Variants in KCNIP4 observed in about 807,000 individuals in gnomAD.
The protein encoded by KCNIP4 is potassium voltage-gated channel interacting protein 4.
In KCNIP4, 12 loss-of-function variants were observed where a neutral mutation model predicts 34.0. That is an observed-to-expected ratio of 0.35 (90% CI 0.23 to 0.57). The LOEUF is 0.57. Ranked by LOEUF, KCNIP4 falls within the 20% of genes least tolerant of loss-of-function variation. The pLI, the probability that KCNIP4 is intolerant of heterozygous loss-of-function variation, is 0.83. For synonymous variants in KCNIP4, 124 were observed against 102.2 expected, an observed-to-expected ratio of 1.21 and a Z score of -1.29; for missense variants, 238 against 311.7, an observed-to-expected ratio of 0.76 and a Z score of 1.78.
chr4:21,855,643 C>A (rs1724701756), intron 1 of KCNIP4: 1 of 152,096 alleles, frequency 6.6e-6, no homozygotes, highest in African/African-American at 2.4e-5. Flanking sequence ...AGTTCTTATC[C>A]ATATACAATT....
intron 1 of KCNIP4, chr4:21,697,208 T>A: frequency 8.3e-7 from 1 of 1,208,548 alleles, no homozygotes; most frequent in African/African-American, 1.6e-5. Context: ...AACATAAATC[T>A]CAGCAAATAC....
intron 1 of KCNIP4, among the ~76,000 whole-genome samples, chr4:21,654,926 A>T (rs1747805094): frequency 6.6e-6 from 1 of 152,040 alleles, no homozygotes; most frequent in African/African-American, 2.4e-5. Flanking sequence ...TCTGTCTCAA[A>T]AAAAAAAGGA....
intron 1 of KCNIP4, among the ~76,000 whole-genome samples, chr4:21,016,206 G>A (rs1739527060): frequency 6.6e-6 from 1 of 151,152 alleles, no homozygotes; most frequent in South Asian, 2.1e-4. Context: ...CTGGATGAGG[G>A]CTTAGGTCGC....
At chr4:21,664,854 TTAAA>T (rs1230390093) in intron 1 of KCNIP4, among the ~76,000 whole-genome samples, 1 of 152,218 alleles carries the variant, frequency 6.6e-6, no homozygotes, top group Non-Finnish European at 1.5e-5. Context: ...TGTTTTTGCA[TTAAA>T]TGTTTTCCAT....
intron 1 of KCNIP4, among the ~76,000 whole-genome samples, chr4:21,181,359 C>A (rs1754826370): frequency 6.6e-6 from 1 of 152,082 alleles, no homozygotes; most frequent in Non-Finnish European, 1.5e-5. Context: ...ATTAAAGCTG[C>A]AGCTTCTCTT....
At chr4:21,344,390 T>C (rs1019005047) in intron 1 of KCNIP4, among the ~76,000 whole-genome samples, 3 of 152,136 alleles carry the variant, frequency 2.0e-5, no homozygotes, top group South Asian at 2.1e-4. Flanking sequence ...TCTGTGGATG[T>C]AGCATAAGAT....
intron 1 of KCNIP4, among the ~76,000 whole-genome samples, chr4:21,433,337 C>T (rs1201204597): frequency 6.6e-6 from 1 of 152,184 alleles, no homozygotes; most frequent in African/African-American, 2.4e-5. Flanking sequence ...TGCAGTGGCT[C>T]ATGCCTGTAA....
At chr4:21,683,676 A>T (rs1234814522) in intron 1 of KCNIP4, among the ~76,000 whole-genome samples, 1 of 151,734 alleles carries the variant, frequency 6.6e-6, no homozygotes, top group Non-Finnish European at 1.5e-5. Context: ...GTGAAGCCAG[A>T]TTTTAAGCAC....
intron 1 of KCNIP4, among the ~76,000 whole-genome samples, chr4:21,575,543 T>C (rs1347130051): frequency 6.6e-6 from 1 of 152,130 alleles, no homozygotes; most frequent in African/African-American, 2.4e-5. Context: ...CTCTTCCTCC[T>C]CTTCCTTTTC....
At chr4:21,302,188 T>C (rs1266453830) in intron 1 of KCNIP4, among the ~76,000 whole-genome samples, 1 of 152,176 alleles carries the variant, frequency 6.6e-6, no homozygotes. Flanking sequence ...AAAGACTTCA[T>C]AGAGGTTAGC....
intron 1 of KCNIP4, among the ~76,000 whole-genome samples, chr4:21,887,204 G>A (rs1726824103): frequency 6.6e-6 from 1 of 152,104 alleles, no homozygotes; most frequent in African/African-American, 2.4e-5. Flanking sequence ...CCACAGATGA[G>A]GTGGCTTAAT....
chr4:21,788,064 C>A (rs573671071), intron 1 of KCNIP4, among the ~76,000 whole-genome samples: 13 of 152,186 alleles, frequency 8.5e-5, no homozygotes, highest in African/African-American at 2.6e-4. Flanking sequence ...GTCCCAGAAG[C>A]CAACAGCAGG....
At chr4:20,841,330 AGGT>A (rs773113336) in intron 3 of KCNIP4, among the ~76,000 whole-genome samples, 3 of 152,184 alleles carry the variant, frequency 2.0e-5, no homozygotes, top group African/African-American at 4.8e-5. Flanking sequence ...GTAGTAAAGA[AGGT>A]GCAGCACCTG....
chr4:21,324,856 G>A (rs1022779209), intron 1 of KCNIP4, among the ~76,000 whole-genome samples: 1 of 151,730 alleles, frequency 6.6e-6, no homozygotes, highest in Non-Finnish European at 1.5e-5. Context: ...AGGTAGTATG[G>A]ACATTTTAAT....
intron 1 of KCNIP4, among the ~76,000 whole-genome samples, chr4:21,202,049 A>G (rs1313832434): frequency 6.6e-6 from 1 of 152,182 alleles, no homozygotes; most frequent in Non-Finnish European, 1.5e-5. Flanking sequence ...CCCTGTGGAG[A>G]GCAGTTGGAG....
intron 2 of KCNIP4, among the ~76,000 whole-genome samples, chr4:20,880,655 A>T (rs1451152072): frequency 6.6e-6 from 1 of 152,198 alleles, no homozygotes; most frequent in Non-Finnish European, 1.5e-5. Flanking sequence ...TTTGAAAGTT[A>T]CATTTTACCT....
intron 1 of KCNIP4, among the ~76,000 whole-genome samples, chr4:21,825,767 G>A (rs777035036): frequency 6.6e-6 from 1 of 152,066 alleles, no homozygotes; most frequent in Non-Finnish European, 1.5e-5. Flanking sequence ...TTATTACTAA[G>A]GTAGACAATT....
chr4:21,001,531 C>T lies in KCNIP4; in HGVS notation c.62-118822G>A, dbSNP rs1194143734. Among the ~76,000 whole-genome samples the T allele has an allele frequency of 2.6e-5, 4 of 152,166 alleles. No homozygotes were observed. In the East Asian group the frequency reaches 7.7e-4, roughly 29 times the overall value. Reference sequence around the variant, plus strand: ...AGGTGGGATTTGAAGTGGCCTACCTCCTCCTGTTTCCTGGGTGGAGCTGAC... The same window carrying T: ...AGGTGGGATTTGAAGTGGCCTACCTTCTCCTGTTTCCTGGGTGGAGCTGAC... On this transcript the variant is annotated intron_variant, in intron 1 of 8. Coordinates refer to ENST00000382152, the MANE Select transcript of KCNIP4 (RefSeq NM_025221.6).
intron 1 of KCNIP4, among the ~76,000 whole-genome samples, chr4:21,382,820 A>T (rs1319855843): frequency 1.3e-5 from 2 of 152,214 alleles, no homozygotes; most frequent in African/African-American, 4.8e-5. Context: ...TTAAAACCTT[A>T]AAGATAAAAT....
Sources: gnomAD v4.1 joint callset for allele counts (sites outside exome capture counted in the v4.1 genomes callset) on GRCh38, gnomAD v4.1.1 for gene constraint, MANE v1.5 for transcripts, NCBI Gene and HGNC (gene_info 2026-07-23, HGNC 2026-07-21) for gene names.